Variants in CFTR observed in about 807,000 individuals in gnomAD.
CFTR encodes cystic fibrosis transmembrane conductance regulator.
In CFTR, 181 loss-of-function variants were observed where a neutral mutation model predicts 171.6. That is an observed-to-expected ratio of 1.05 (90% CI 0.93 to 1.19). CFTR has a LOEUF of 1.19. CFTR is among the 50% of genes most tolerant of loss of function. The pLI, the probability that CFTR is intolerant of heterozygous loss-of-function variation, is 0.00. For missense variants in CFTR, 1,968 were observed against 1,734.7 expected (o/e 1.13, Z -2.39); for synonymous variants, 583 against 608.0 (o/e 0.96, Z 0.60).
chr7:117,578,376 A>G (rs1791802040), intron 11 of CFTR, among the ~76,000 whole-genome samples: 1 of 152,060 alleles, frequency 6.6e-6, no homozygotes, highest in Non-Finnish European at 1.5e-5. Context: ...TCTTTTCTCT[A>G]GCTTGCTTTA....
At chr7:117,644,493 T>C (rs777377563) in intron 23 of CFTR, among the ~76,000 whole-genome samples, 1 of 152,196 alleles carries the variant, frequency 6.6e-6, no homozygotes, top group Non-Finnish European at 1.5e-5. Context: ...TTTTTCTTCC[T>C]TCCAACTCCG....
At chr7:117,583,569 G>A (rs578051391) in intron 11 of CFTR, among the ~76,000 whole-genome samples, 2 of 151,658 alleles carry the variant, frequency 1.3e-5, no homozygotes, top group East Asian at 3.9e-4. Flanking sequence ...TTATCCACTT[G>A]TTGATTGATA....
chr7:117,483,421 G>T (rs1389285511), intron 1 of CFTR, among the ~76,000 whole-genome samples: 2 of 151,892 alleles, frequency 1.3e-5, no homozygotes, highest in East Asian at 1.9e-4. Context: ...AGTGACTTTT[G>T]ACTGTATCAC....
At chr7:117,522,251 A>G (rs1798696395) in intron 3 of CFTR, among the ~76,000 whole-genome samples, 1 of 152,220 alleles carries the variant, frequency 6.6e-6, no homozygotes, top group Admixed American at 6.5e-5. Flanking sequence ...TAGGACAATT[A>G]CCCAAGGAAT....
intron 10 of CFTR, among the ~76,000 whole-genome samples, chr7:117,557,709 T>C (rs1799383319): frequency 6.6e-6 from 1 of 152,172 alleles, no homozygotes; most frequent in African/African-American, 2.4e-5. Flanking sequence ...ATTTACAGTT[T>C]TAAGTTCCAT....
At chr7:117,609,448 T>C (rs993130641) in intron 18 of CFTR, among the ~76,000 whole-genome samples, 44 of 152,204 alleles carry the variant, frequency 2.9e-4, no homozygotes, top group African/African-American at 9.6e-4. Flanking sequence ...AGTGGTTTTT[T>C]TTAATCCTTT....
chr7:117,569,383 C>T, intron 11 of CFTR, among the ~76,000 whole-genome samples: 1 of 152,174 alleles, frequency 6.6e-6, no homozygotes, highest in Non-Finnish European at 1.5e-5. Context: ...AGTAAGATTC[C>T]TAAGTACCCA....
At chr7:117,485,411 G>A (rs1304978887) in intron 1 of CFTR, among the ~76,000 whole-genome samples, 1 of 152,166 alleles carries the variant, frequency 6.6e-6, no homozygotes, top group Non-Finnish European at 1.5e-5. Flanking sequence ...AGATCAAGTT[G>A]TTTGGAGATC....
At chr7:117,577,899 G>A (rs1791794745) in intron 11 of CFTR, among the ~76,000 whole-genome samples, 3 of 152,066 alleles carry the variant, frequency 2.0e-5, no homozygotes. Context: ...TAGTAACCTA[G>A]TTCAGAAAGA....
At chr7:117,552,480 C>CA (rs1799288725) in intron 10 of CFTR, among the ~76,000 whole-genome samples, 1 of 151,864 alleles carries the variant, frequency 6.6e-6, no homozygotes. Context: ...AAACAAACAT[C>CA]AAAAAGATAT....
rs555638623 is a variant in CFTR at position 117,626,767 on chromosome 7, T to G, written c.3469-755T>G. Reference sequence around the variant, plus strand: ...CCAAATTCCCGTAAGTCATAATTATTCAGAGATGTATGTTTTTTTTAAAAA... The same window carrying G: ...CCAAATTCCCGTAAGTCATAATTATGCAGAGATGTATGTTTTTTTTAAAAA... On this transcript the variant is annotated intron_variant, in intron 21 of 26. Transcript: ENST00000003084. Among the ~76,000 whole-genome samples, 11 of 152,194 alleles carry G rather than the reference T, an allele frequency of 7.2e-5. No homozygotes were observed. In the East Asian group the frequency reaches 1.3e-3, roughly 19 times the overall value.
intron 1 of CFTR, among the ~76,000 whole-genome samples, chr7:117,496,977 T>G (rs750299308): frequency 1.3e-5 from 2 of 152,142 alleles, no homozygotes; most frequent in African/African-American, 2.4e-5. Context: ...TGGTGTCCTT[T>G]GAAGCACAAA....
At chr7:117,543,964 A>T (rs973455885) in intron 9 of CFTR, among the ~76,000 whole-genome samples, 2 of 152,102 alleles carry the variant, frequency 1.3e-5, no homozygotes, top group African/African-American at 4.8e-5. Flanking sequence ...GAAATGTTGC[A>T]CTCTGAAATC....
chr7:117,518,576 A>G (rs1798636734), intron 3 of CFTR, among the ~76,000 whole-genome samples: 1 of 147,834 alleles, frequency 6.8e-6, no homozygotes, highest in Non-Finnish European at 1.5e-5. Flanking sequence ...AAACATATAT[A>G]TATATATATA....
intron 15 of CFTR, among the ~76,000 whole-genome samples, chr7:117,598,097 A>ATCTTTT (rs1792165623): frequency 6.6e-6 from 1 of 152,218 alleles, no homozygotes; most frequent in African/African-American, 2.4e-5. Context: ...GGTTTCCCAG[A>ATCTTTT]TCTTTTTATG....
intron 24 of CFTR, among the ~76,000 whole-genome samples, chr7:117,660,357 C>T (rs1008710947): frequency 3.3e-5 from 5 of 151,902 alleles, no homozygotes; most frequent in African/African-American, 7.3e-5. Flanking sequence ...GGGGGCAGGA[C>T]GCAGTGGCTC....
chr7:117,603,473 A>G, intron 16 of CFTR, 59 bp from the exon 17 acceptor site: 1 of 1,600,900 alleles, frequency 6.2e-7, no homozygotes, highest in East Asian at 2.2e-5. Flanking sequence ...ATTTACATGT[A>G]TTGGAAATTC....
chr7:117,490,741 T>C lies in CFTR; in HGVS notation c.53+10594T>C, dbSNP rs142086587. On this transcript the variant is annotated intron_variant, in intron 1 of 26. Coordinates refer to ENST00000003084, the MANE Select transcript of CFTR (RefSeq NM_000492.4). ...CTTTAATAAATGGTAAGCACTGTTA[T>C]CAGCAACAACAGGATTATTATAATT... Among the ~76,000 whole-genome samples, 56 of 152,232 alleles carry C rather than the reference T, an allele frequency of 3.7e-4. 1 individual carries two copies. The East Asian group carries it at 9.5e-3, about 26-fold the overall frequency.
chr7:117,514,458 T>G (rs1223327677), intron 3 of CFTR, among the ~76,000 whole-genome samples: 1 of 152,162 alleles, frequency 6.6e-6, no homozygotes, highest in Non-Finnish European at 1.5e-5. Flanking sequence ...AGTTTCCAGC[T>G]TCATCCACGT....
Sources: gnomAD v4.1 joint callset for allele counts (sites outside exome capture counted in the v4.1 genomes callset) on GRCh38, gnomAD v4.1.1 for gene constraint, MANE v1.5 for transcripts, NCBI Gene and HGNC (gene_info 2026-07-23, HGNC 2026-07-21) for gene names.